Variants in MTBP observed in about 807,000 individuals in gnomAD.
MTBP encodes the protein MDM2 binding protein, also known as mdm2-binding protein.
A neutral mutation model predicts 117.0 loss-of-function variants in MTBP; 101 were observed. The observed-to-expected ratio is 0.86, with a 90% CI of 0.73 to 1.02. MTBP has a LOEUF of 1.02. MTBP is among the 50% of genes least tolerant of loss of function. The pLI is 0.00. For missense variants in MTBP, 970 were observed against 1,030.9 expected (o/e 0.94, Z 0.81); for synonymous variants, 350 against 351.5 (o/e 1.00, Z 0.05).
Position 120,445,419 on chromosome 8 carries a change from C to G in MTBP, c.-52C>G, listed in dbSNP as rs150286732. The G allele has an allele frequency of 3.4e-6, 5 of 1,483,830 alleles. No homozygotes were observed. Among genetic ancestry groups the G allele is most frequent in the Admixed American group, 3.5e-5 (2 of 56,348 alleles). 91.9% of individuals were successfully genotyped at this position (1,483,830 alleles called of 1,614,324 possible). On this transcript the variant is annotated 5_prime_UTR_variant, in exon 1 of 22. Coordinates refer to ENST00000305949, the MANE Select transcript of MTBP (RefSeq NM_022045.5). ...ACCGGAAATGCGTCATAGCGCGCGTCTGTTTGGATGTGGAAGCCGAGACCT... is the reference window on the plus strand; with the variant it reads ...ACCGGAAATGCGTCATAGCGCGCGTGTGTTTGGATGTGGAAGCCGAGACCT...
intron 10 of MTBP, 41 bp from the exon 11 acceptor site, chr8:120,470,779 C>G (rs7832491): frequency 0.051 from 70,158 of 1,386,208 alleles, 2,250 homozygotes; most frequent in Middle Eastern, 0.14. Context: ...AAGAATGAAT[C>G]TCAATGTGCA....
intron 11 of MTBP, among the ~76,000 whole-genome samples, chr8:120,475,024 A>G (rs571760204): frequency 4.8e-4 from 72 of 151,270 alleles, no homozygotes; most frequent in African/African-American, 1.6e-3. Flanking sequence ...ACAATATATT[A>G]GGCACTGTTT....
intron 11 of MTBP, among the ~76,000 whole-genome samples, chr8:120,476,316 C>T (rs1007664918): frequency 6.6e-6 from 1 of 151,948 alleles, no homozygotes; most frequent in Non-Finnish European, 1.5e-5. Context: ...ATGGGCAAAA[C>T]CTGGAAGGAT....
intron 11 of MTBP, among the ~76,000 whole-genome samples, chr8:120,483,674 G>T (rs1032489490): frequency 1.3e-5 from 2 of 152,044 alleles, no homozygotes; most frequent in Non-Finnish European, 2.9e-5. Context: ...TGTGGTTTAT[G>T]TGTTATCTGT....
intron 17 of MTBP, 123 bp from the exon 18 acceptor site, chr8:120,515,802 A>G (rs762440231): frequency 2.3e-5 from 21 of 929,616 alleles, no homozygotes; most frequent in Non-Finnish European, 3.3e-5. Context: ...TCAACCTTCC[A>G]GCAATTATTA....
intron 16 of MTBP, among the ~76,000 whole-genome samples, chr8:120,508,630 A>G (rs1800232229): frequency 1.3e-5 from 2 of 152,320 alleles, no homozygotes; most frequent in East Asian, 3.9e-4. Flanking sequence ...GATAATTTTC[A>G]GTGGCAGGAC....
chr8:120,456,413 A>C (rs1813468585), intron 6 of MTBP, 140 bp from the exon 7 acceptor site: 2 of 567,676 alleles, frequency 3.5e-6, no homozygotes. Context: ...AGACTGACTT[A>C]ATGGGTGTTT....
chr8:120,445,695 C>A, intron 1 of MTBP, 107 bp downstream of exon 1: 1 of 855,998 alleles, frequency 1.2e-6, no homozygotes, highest in Non-Finnish European at 1.8e-6. Context: ...AGTTGTCCCA[C>A]GAAGCTGGGA....
intron 10 of MTBP, among the ~76,000 whole-genome samples, chr8:120,466,193 TA>T (rs774608139): frequency 1.6e-4 from 24 of 148,288 alleles, no homozygotes; most frequent in Non-Finnish European, 3.1e-4. Flanking sequence ...AACATTGAGT[TA>T]TGATTTGTTT....
At chr8:120,454,442 G>T (rs188742889) in intron 5 of MTBP, among the ~76,000 whole-genome samples, 13 of 151,962 alleles carry the variant, frequency 8.6e-5, no homozygotes, top group South Asian at 8.3e-4. Context: ...CCTAAAACTG[G>T]TTTTTTTCTT....
intron 13 of MTBP, among the ~76,000 whole-genome samples, chr8:120,493,336 T>C (rs1180519479): frequency 1.3e-5 from 2 of 152,216 alleles, no homozygotes; most frequent in Non-Finnish European, 2.9e-5. Context: ...GTAAACTTTA[T>C]CTGTTTTCTG....
At chr8:120,516,334 A>G (rs1053995536) in intron 18 of MTBP, 143 bp downstream of exon 18, 2 of 761,646 alleles carry the variant, frequency 2.6e-6, no homozygotes, top group South Asian at 2.1e-5. Flanking sequence ...AATTTTGCTT[A>G]TAAGTTATAA....
chr8:120,516,089 G>A lies in MTBP; in HGVS notation c.2144G>A (p.Gly715Glu). ...LPSPVVSSDP[G>E]SVPDGEVLQN... ...TCTCCTGTAGTTTCGTCAGATCCTG[G>A]AAGTGTCCCTGACGGAGAAGTTTTA... is the stretch of plus-strand genomic sequence containing the variant. The change falls in exon 18 of 22, where the codon GGA becomes GAA. Residue 715 changes from glycine to glutamate, a missense_variant. Physicochemically the swap from Gly to Glu is moderately conservative, Grantham distance 98. Transcript: ENST00000305949. The A allele has an allele frequency of 1.2e-6, 2 of 1,613,040 alleles. No individual in the cohort carries two copies. The highest frequency in any genetic ancestry group is 1.7e-4 in the Middle Eastern group (1 of 6,060).
intron 19 of MTBP, 86 bp downstream of exon 19, chr8:120,518,186 T>C: frequency 7.2e-7 from 1 of 1,388,238 alleles, no homozygotes; most frequent in Non-Finnish European, 9.6e-7. Context: ...CTAAAAAATT[T>C]TATGAATGAA....
rs1489004759 is a variant in MTBP, at chr8:120,502,485, A to G, written c.1610-7A>G. ...TTTCAGACTTATGTGTATTTCTTTC[A>G]CTTTAGATTTTAGTCCAGTGGAACC... On this transcript the variant is annotated splice_region_variant and splice_polypyrimidine_tract_variant and intron_variant, in intron 14 of 21. Coordinates refer to ENST00000305949, the MANE Select transcript of MTBP (RefSeq NM_022045.5). 1 of 1,546,794 alleles carries G rather than the reference A, an allele frequency of 6.5e-7. No individual in the cohort carries two copies. The highest frequency in any genetic ancestry group is 1.4e-5 in the African/African-American group (1 of 72,106).
chr8:120,471,457 C>G (rs1290715671), intron 11 of MTBP: 1 of 152,216 alleles, frequency 6.6e-6, no homozygotes, highest in African/African-American at 2.4e-5. Flanking sequence ...CACCCACCAC[C>G]ATGCCTGGCT....
At chr8:120,505,218 CTTATA>C (rs1814665534) in intron 15 of MTBP, among the ~76,000 whole-genome samples, 1 of 152,020 alleles carries the variant, frequency 6.6e-6, no homozygotes, top group African/African-American at 2.4e-5. Flanking sequence ...ACGTCTCTCA[CTTATA>C]TTAATGTTAG....
intron 8 of MTBP, among the ~76,000 whole-genome samples, chr8:120,460,606 G>T (rs982875718): frequency 6.6e-6 from 1 of 152,044 alleles, no homozygotes; most frequent in African/African-American, 2.4e-5. Context: ...ATACAGTACC[G>T]AAATTTTATT....
At chr8:120,471,014 A>C in intron 11 of MTBP, 77 bp downstream of exon 11, 1 of 974,282 alleles carries the variant, frequency 1.0e-6, no homozygotes. Flanking sequence ...TGAAGATAAC[A>C]TTTCTATATG....
Sources: allele counts gnomAD v4.1 joint callset (sites outside exome capture counted in the v4.1 genomes callset), GRCh38; gene constraint gnomAD v4.1.1; transcripts MANE v1.5; gene names NCBI Gene and HGNC (gene_info 2026-07-23, HGNC 2026-07-21).